Variants in PRPSAP2 observed in about 807,000 individuals in gnomAD.
PRPSAP2 encodes phosphoribosyl pyrophosphate synthetase associated protein 2.
Under a neutral mutation model 40.6 loss-of-function variants are expected in PRPSAP2, and 24 were observed. The ratio of observed to expected loss-of-function variants is 0.59; its 90% CI spans 0.43 to 0.83. The LOEUF is 0.83. Among genes scored for constraint, PRPSAP2 ranks in the 40% least tolerant of loss-of-function variants. The pLI, the probability that PRPSAP2 is intolerant of heterozygous loss-of-function variation, is 0.00. For synonymous variants in PRPSAP2, 149 were observed against 164.7 expected (o/e 0.90, Z 0.73); for missense variants, 292 against 465.6 (o/e 0.63, Z 3.43).
intron 4 of PRPSAP2, among the ~76,000 whole-genome samples, chr17:18,870,746 T>C (rs1196789308): frequency 6.7e-6 from 1 of 149,530 alleles, no homozygotes; most frequent in East Asian, 2.0e-4. Flanking sequence ...GAGGTGGAGG[T>C]TGCAGTGAGC....
At chr17:18,894,775 G>A (rs966883340) in intron 8 of PRPSAP2, among the ~76,000 whole-genome samples, 1 of 152,136 alleles carries the variant, frequency 6.6e-6, no homozygotes, top group Non-Finnish European at 1.5e-5. Flanking sequence ...GAGTCACCAC[G>A]CCCAGCCTTA....
At position 18,865,907 on chromosome 17, in the gene PRPSAP2, C is replaced by G; in HGVS notation, c.74C>G (p.Ala25Gly). The G allele has an allele frequency of 6.5e-7, 1 of 1,540,146 alleles. No homozygotes were observed. Among genetic ancestry groups the G allele is most frequent in the Non-Finnish European group, 8.8e-7 (1 of 1,134,210 alleles). The part of the protein sequence containing the change: ...ITKGGLVLFS[A>G]NSNSSCMELS... ...AAAGGTGGTCTGGTGTTGTTTTCAG[C>G]AAACTCGAATTCATCATGTATGGAG... Residue 25 changes from alanine (A) to glycine (G), a missense_variant, in exon 3 of 12, where the codon GCA becomes GGA. Coordinates refer to ENST00000268835, the MANE Select transcript of PRPSAP2 (RefSeq NM_002767.4).
intron 4 of PRPSAP2, among the ~76,000 whole-genome samples, chr17:18,868,493 A>AG (rs1214809461): frequency 1.3e-5 from 2 of 151,924 alleles, no homozygotes; most frequent in Non-Finnish European, 2.9e-5. Context: ...GAAAAAAAAA[A>AG]AAAAAGAAAT....
At chr17:18,902,648 T>G (rs1157140239) in intron 8 of PRPSAP2, among the ~76,000 whole-genome samples, 1 of 151,802 alleles carries the variant, frequency 6.6e-6, no homozygotes, top group Non-Finnish European at 1.5e-5. Context: ...GGGGGGTGGA[T>G]CACTTGAGGT....
intron 5 of PRPSAP2, among the ~76,000 whole-genome samples, chr17:18,874,173 G>C (rs963766881): frequency 1.3e-5 from 2 of 152,000 alleles, no homozygotes; most frequent in Admixed American, 6.6e-5. Flanking sequence ...CTATATTGCT[G>C]AGATTCCAGC....
chr17:18,878,627 C>T (rs568123560), intron 6 of PRPSAP2, among the ~76,000 whole-genome samples: 6 of 149,454 alleles, frequency 4.0e-5, no homozygotes, highest in East Asian at 2.0e-4. Context: ...GCATGATCTT[C>T]GCTCACCACA....
At chr17:18,857,442 C>T (rs968756296), upstream of PRPSAP2, among the ~76,000 whole-genome samples, 1 of 151,946 alleles carries the variant, frequency 6.6e-6, no homozygotes, top group Non-Finnish European at 1.5e-5. Flanking sequence ...GAGATGGACT[C>T]TTGCTCTGTC....
At chr17:18,887,317 A>T (rs1486154898) in intron 7 of PRPSAP2, among the ~76,000 whole-genome samples, 1 of 151,910 alleles carries the variant, frequency 6.6e-6, no homozygotes, top group East Asian at 1.9e-4. Flanking sequence ...ATGGGTTCAA[A>T]CAATTCTCCT....
chr17:18,859,512 T>C (rs2036842736), intron 1 of PRPSAP2: 1 of 152,252 alleles, frequency 6.6e-6, no homozygotes, highest in Admixed American at 6.5e-5. Context: ...CTTCCCTGTC[T>C]AAAATGGGTC....
In PRPSAP2 at chr17:18,928,955, GA is replaced by G; in HGVS notation, c.950del (p.Glu317GlyfsTer27). On this transcript the variant is annotated frameshift_variant and splice_region_variant, in exon 11 of 12. Transcript: ENST00000268835. LOFTEE classifies it high-confidence loss of function. ...GCGGATTGAAGAGTCTGCCATTGAT[GA>G]GGTAACAGGGTCTGGGTGTGTGTGG... Reference protein sequence around the residue: ...PRRIEESAIDEVVVTNTIPHE... With the variant: ...PRRIEESAIDXVVVTNTIPHE... 1.2e-6 allele frequency: 2 copies of G among 1,613,374 alleles called. No homozygotes were observed. Among genetic ancestry groups the G allele is most frequent in the Non-Finnish European group, 1.7e-6 (2 of 1,179,466 alleles).
chr17:18,906,176 A>G (rs1449934543), intron 8 of PRPSAP2, among the ~76,000 whole-genome samples: 1 of 152,168 alleles, frequency 6.6e-6, no homozygotes, highest in Non-Finnish European at 1.5e-5. Context: ...GACCAGACCA[A>G]TAAATGTTTA....
intron 8 of PRPSAP2, among the ~76,000 whole-genome samples, chr17:18,892,091 G>A (rs541262741): frequency 6.6e-6 from 1 of 152,310 alleles, no homozygotes; most frequent in Admixed American, 6.5e-5. Flanking sequence ...TCCTGACCTT[G>A]TGATCTGCCT....
rs926894255 is a variant in PRPSAP2 at position 18,865,452 on chromosome 17, T to G, written c.-128-17T>G. The G allele has an allele frequency of 6.6e-6, 1 of 152,494 alleles. No homozygotes were observed. The highest frequency in any genetic ancestry group is 1.5e-5 in the Non-Finnish European group (1 of 68,222). 9.4% of individuals were successfully genotyped at this position (152,494 alleles called of 1,614,324 possible). A position where few individuals can be genotyped will look rare whatever the true frequency, so the allele number is the denominator to read the frequency against. On this transcript the variant is annotated splice_polypyrimidine_tract_variant and intron_variant, in intron 1 of 11. Coordinates refer to ENST00000268835, the MANE Select transcript of PRPSAP2 (RefSeq NM_002767.4). ...TTCTCGCTAATGGCTCTGCCATTTT[T>G]CTGTGTGTTAATCCAGGAGGAATTT...
intron 10 of PRPSAP2, chr17:18,928,501 C>G: frequency 2.7e-6 from 1 of 369,820 alleles, no homozygotes; most frequent in Non-Finnish European, 5.2e-6. Flanking sequence ...TCTGGTGTGA[C>G]CTGCATTGTG....
intron 4 of PRPSAP2, among the ~76,000 whole-genome samples, chr17:18,869,572 G>A (rs1254000455): frequency 2.7e-5 from 4 of 150,586 alleles, no homozygotes; most frequent in East Asian, 1.9e-4. Context: ...GGGCAACCTC[G>A]GCTCACTGCC....
intron 8 of PRPSAP2, among the ~76,000 whole-genome samples, chr17:18,903,994 A>T (rs531376344): frequency 5.3e-4 from 81 of 152,270 alleles, no homozygotes; most frequent in African/African-American, 1.8e-3. Context: ...CTTAGAAAAT[A>T]GCTGTAATCA....
intron 7 of PRPSAP2, among the ~76,000 whole-genome samples, chr17:18,883,326 G>A (rs536536499): frequency 6.6e-6 from 1 of 151,426 alleles, no homozygotes; most frequent in Admixed American, 6.6e-5. Flanking sequence ...GCATTTTTGT[G>A]ACTTACTATT....
chr17:18,910,934 C>G (rs542644240), intron 8 of PRPSAP2, among the ~76,000 whole-genome samples, 169 bp from the exon 9 acceptor site: 1 of 152,274 alleles, frequency 6.6e-6, no homozygotes, highest in Non-Finnish European at 1.5e-5. Context: ...TGTGGGGTCT[C>G]TACAGTTAGT....
intron 8 of PRPSAP2, among the ~76,000 whole-genome samples, chr17:18,892,250 T>TA (rs1172111259): frequency 1.3e-5 from 2 of 152,178 alleles, no homozygotes; most frequent in East Asian, 3.8e-4. Context: ...TTTTTTTTTT[T>TA]ACCGTTTGGC....
Sources: gnomAD v4.1 joint callset for allele counts (sites outside exome capture counted in the v4.1 genomes callset) on GRCh38, gnomAD v4.1.1 for gene constraint, MANE v1.5 for transcripts, NCBI Gene and HGNC (gene_info 2026-07-23, HGNC 2026-07-21) for gene names.